Variants in TUT4 observed in about 807,000 individuals in gnomAD.
The protein encoded by TUT4 is terminal uridylyltransferase 4.
TUT4 carries 36 observed loss-of-function variants against 192.2 expected under a neutral mutation model. That is an observed-to-expected ratio of 0.19 (90% confidence interval 0.14 to 0.25). The LOEUF (loss-of-function observed/expected upper bound fraction) is 0.25. Ranked by LOEUF, TUT4 falls within the 10% of genes least tolerant of loss-of-function variation. The pLI is 1.00. For synonymous variants in TUT4, 618 were observed against 666.0 expected (o/e 0.93, Z 1.11); for missense variants, 1,493 against 1,957.2 (o/e 0.76, Z 4.47).
At chr1:52,531,227 C>CTT (rs555777687) in intron 1 of TUT4, among the ~76,000 whole-genome samples, 9 of 142,980 alleles carry the variant, frequency 6.3e-5, no homozygotes, top group African/African-American at 7.7e-5. Flanking sequence ...AGAAAAAGTA[C>CTT]TTTTTTTTTT....
At position 52,515,950 on chromosome 1, in the gene TUT4, G is replaced by A; in HGVS notation, c.823C>T (p.Leu275=). The A allele has an allele frequency of 6.2e-7, 1 of 1,613,434 alleles. No individual in the cohort carries two copies. Among genetic ancestry groups the A allele is most frequent in the Admixed American group, 1.7e-5 (1 of 59,926 alleles). ...CGTTCTTCTGCTTGTTTCAACCCCAGCCTCTGCTCAGGTGTCAATGCAGAT... is the reference window on the plus strand; with the variant it reads ...CGTTCTTCTGCTTGTTTCAACCCCAACCTCTGCTCAGGTGTCAATGCAGAT... ...DESALTPEQR[L]GLKQAEERLE... Residue 275 remains leucine (L), a synonymous_variant, in exon 3 of 30, where the codon CTG becomes TTG. Coordinates refer to ENST00000257177, the MANE Select transcript of TUT4 (RefSeq NM_001009881.3).
Position 52,475,015 on chromosome 1 carries a change from A to G in TUT4, c.2544T>C (p.Thr848=). 1 of 1,614,216 alleles carries G rather than the reference A, an allele frequency of 6.2e-7. No homozygotes were observed. Among genetic ancestry groups the G allele is most frequent in the Non-Finnish European group, 8.5e-7 (1 of 1,180,022 alleles). ...LSKSPDPDKS[T]GTDCRSNLET... ...CTAAATTTGACCTGCAGTCTGTTCC[A>G]GTAGATTTATCTGGGTCAGGCGACT... Residue 848 remains threonine, a synonymous_variant, in exon 13 of 30, where the codon ACT becomes ACC. Coordinates refer to ENST00000257177, the MANE Select transcript of TUT4 (RefSeq NM_001009881.3).
Position 52,430,945 on chromosome 1 carries a change from T to C in TUT4, c.4711+68A>G, listed in dbSNP as rs550197590. On this transcript the variant is annotated intron_variant, in intron 28 of 29. Coordinates refer to ENST00000257177, the MANE Select transcript of TUT4 (RefSeq NM_001009881.3). ...ACTGCTTTCCTTCTTTTTCCTCACA[T>C]TGTTTCTACAGACAGATACAAAAGA... 2.2e-5 allele frequency: 32 copies of C among 1,476,214 alleles called. No individual in the cohort carries two copies. In the South Asian group the frequency reaches 2.6e-4, roughly 12 times the overall value. The allele number at this position is 1,476,214 out of a possible 1,614,324, so 91.4% of individuals were successfully genotyped here.
chr1:52,432,190 G>C (rs1356344522), intron 27 of TUT4: 1 of 152,192 alleles, frequency 6.6e-6, no homozygotes, highest in African/African-American at 2.4e-5. Flanking sequence ...AAATCCCAGA[G>C]CAGGAACACC....
chr1:52,542,964 A>G (rs1477096801), intron 1 of TUT4, among the ~76,000 whole-genome samples: 1 of 152,134 alleles, frequency 6.6e-6, no homozygotes, highest in Non-Finnish European at 1.5e-5. Context: ...CATGTTCGTC[A>G]GGCTGGTCTC....
In TUT4 at chr1:52,481,642, A is replaced by G. The variant is rs745813198; in HGVS notation, c.1636-7T>C. The stretch of plus-strand genomic sequence containing the variant: ...TTGGGTCAAAGCCTTCAATCTATAT[A>G]AAAAGGCATTCCAAATTGGTAGTGG... On this transcript the variant is annotated splice_region_variant and splice_polypyrimidine_tract_variant and intron_variant, in intron 10 of 29. Coordinates refer to ENST00000257177, the MANE Select transcript of TUT4 (RefSeq NM_001009881.3). 1.9e-6 allele frequency: 3 copies of G among 1,588,980 alleles called. No individual in the cohort carries two copies. In the South Asian group the frequency reaches 3.5e-5, roughly 19 times the overall value.
intron 1 of TUT4, chr1:52,535,162 T>C (rs1050318703): frequency 6.6e-6 from 1 of 152,130 alleles, no homozygotes; most frequent in Non-Finnish European, 1.5e-5. Context: ...TCTGTAAAAT[T>C]TTTTTCTTCT....
At chr1:52,544,116 T>C (rs1210048329) in intron 1 of TUT4, among the ~76,000 whole-genome samples, 1 of 151,636 alleles carries the variant, frequency 6.6e-6, no homozygotes, top group African/African-American at 2.4e-5. Flanking sequence ...TGAAACCCCG[T>C]CTCTACTAAA....
chr1:52,503,926 AC>A (rs1391790971), intron 4 of TUT4, among the ~76,000 whole-genome samples: 6 of 152,120 alleles, frequency 3.9e-5, no homozygotes, highest in African/African-American at 1.4e-4. Context: ...CTCATCCACA[AC>A]TATGATTTCA....
intron 1 of TUT4, among the ~76,000 whole-genome samples, chr1:52,534,509 A>G (rs1048014837): frequency 6.6e-6 from 1 of 152,102 alleles, no homozygotes; most frequent in African/African-American, 2.4e-5. Flanking sequence ...AAAACTGCAT[A>G]TTTGAAATAT....
At chr1:52,454,883 C>T (rs891837950) in intron 20 of TUT4, among the ~76,000 whole-genome samples, 3 of 152,082 alleles carry the variant, frequency 2.0e-5, no homozygotes, top group Non-Finnish European at 4.4e-5. Flanking sequence ...AGAAAATAAC[C>T]TGTTTAAAAA....
At chr1:52,459,036 T>C (rs1248613060) in intron 19 of TUT4, among the ~76,000 whole-genome samples, 1 of 152,114 alleles carries the variant, frequency 6.6e-6, no homozygotes. Flanking sequence ...CGAAGTCCCC[T>C]GATGGTCTCG....
chr1:52,458,737 C>G (rs916393389), intron 19 of TUT4, among the ~76,000 whole-genome samples: 1 of 152,086 alleles, frequency 6.6e-6, no homozygotes, highest in Non-Finnish European at 1.5e-5. Context: ...TACTCTCACA[C>G]ACTGCAGGTG....
intron 1 of TUT4, among the ~76,000 whole-genome samples, chr1:52,550,447 A>G (rs969658776): frequency 6.7e-6 from 1 of 149,072 alleles, no homozygotes; most frequent in Non-Finnish European, 1.5e-5. Flanking sequence ...ATTGAGTTCT[A>G]TTTTGTCAAA....
chr1:52,491,250 G>A (rs1671073008), intron 7 of TUT4, among the ~76,000 whole-genome samples: 2 of 152,058 alleles, frequency 1.3e-5, no homozygotes, highest in South Asian at 4.2e-4. Context: ...AACTCTTCAG[G>A]CCACATTTCC....
rs1436025380 is a variant in TUT4 at position 52,466,680 on chromosome 1, A to ATTTTTT, written c.2965+1500_2965+1501insAAAAAA. Among the ~76,000 whole-genome samples, 370 of 131,138 alleles carry ATTTTTT rather than the reference A, an allele frequency of 2.8e-3. 6 individuals carry two copies. Among genetic ancestry groups the ATTTTTT allele is most frequent in the African/African-American group, 0.011 (348 of 31,412 alleles). The allele number at this position is 131,138 out of a possible 152,430, so 86.0% of individuals were successfully genotyped here. A position where few individuals can be genotyped will look rare whatever the true frequency, so the allele number is the denominator to read the frequency against. ...AAAAAATATATATATATATATATATATATTTTTGAGACAGAGTTTCGCTCT... is the reference window on the plus strand; with the variant it reads ...AAAAAATATATATATATATATATATATTTTTTTATTTTTGAGACAGAGTTTCGCTCT... On this transcript the variant is annotated intron_variant, in intron 15 of 29. Transcript: ENST00000257177.
intron 1 of TUT4, among the ~76,000 whole-genome samples, chr1:52,550,276 G>A (rs1689075169): frequency 6.6e-6 from 1 of 152,054 alleles, no homozygotes; most frequent in South Asian, 2.1e-4. Flanking sequence ...TACATATCCT[G>A]TTTTAAAGTA....
chr1:52,541,200 C>T (rs1051411840), intron 1 of TUT4, among the ~76,000 whole-genome samples: 2 of 144,258 alleles, frequency 1.4e-5, no homozygotes, highest in African/African-American at 5.2e-5. Flanking sequence ...CAGAGCGAGA[C>T]TCTGTCTTAA....
intron 12 of TUT4, among the ~76,000 whole-genome samples, chr1:52,477,466 C>G (rs1667401836): frequency 6.6e-6 from 1 of 152,162 alleles, no homozygotes; most frequent in Admixed American, 6.5e-5. Context: ...CCTAGCTACT[C>G]AGGAAGCTGA....
Sources: allele counts gnomAD v4.1 joint callset (sites outside exome capture counted in the v4.1 genomes callset), GRCh38; gene constraint gnomAD v4.1.1; transcripts MANE v1.5; gene names NCBI Gene and HGNC (gene_info 2026-07-23, HGNC 2026-07-21).